The following ZNF470 variants were observed in gnomAD, a reference collection of about 807,000 sequenced individuals.
ZNF470 encodes the protein zinc finger protein 470.
In ZNF470, 13 loss-of-function variants were observed where a neutral mutation model predicts 13.9. The ratio of observed to expected loss-of-function variants is 0.94; its 90% CI spans 0.61 to 1.49. The LOEUF (loss-of-function observed/expected upper bound fraction) is 1.49, where lower values mean the gene tolerates loss of function less well. Ranked by LOEUF, ZNF470 falls within the 40% of genes most tolerant of loss-of-function variation. The pLI, the probability that ZNF470 is intolerant of heterozygous loss-of-function variation, is 0.00. For missense variants in ZNF470, 929 were observed against 857.3 expected (o/e 1.08, Z -1.04); for synonymous variants, 293 against 282.9 (o/e 1.04, Z -0.36).
At chr19:56,574,022 A>G in intron 3 of ZNF470, 2 of 897,556 alleles carry the variant, frequency 2.2e-6, no homozygotes, top group Non-Finnish European at 2.7e-6. Flanking sequence ...TCACAGTTCC[A>G]GAGCTCTTTA....
rs1166337566 is a variant in ZNF470 at position 56,582,016 on chromosome 19, TAAAG to T, written c.*3437_*3440del. 7.1e-6 allele frequency: 7 copies of T among 985,316 alleles called. No individual in the cohort carries two copies. The Admixed American group carries it at 4.3e-4, about 61-fold the overall frequency. 61.0% of individuals were successfully genotyped at this position (985,316 alleles called of 1,614,324 possible). On this transcript the variant is annotated 3_prime_UTR_variant, in exon 6 of 6. Coordinates refer to ENST00000330619, the MANE Select transcript of ZNF470 (RefSeq NM_001001668.4). ...CTCCTGTTGGTCAGTTGCTTGCAAGTAAAGAAACAATCATACAGAATTTGGTACG... is the reference window on the plus strand; with the variant it reads ...CTCCTGTTGGTCAGTTGCTTGCAAGTAAACAATCATACAGAATTTGGTACG...
chr19:56,567,951 A>C lies in ZNF470; in HGVS notation c.-246A>C. The C allele has an allele frequency of 3.0e-6, 3 of 985,740 alleles. No homozygotes were observed. Among genetic ancestry groups the C allele is most frequent in the Non-Finnish European group, 2.4e-6 (2 of 830,206 alleles). 61.1% of individuals were successfully genotyped at this position (985,740 alleles called of 1,614,324 possible). On this transcript the variant is annotated 5_prime_UTR_variant, in exon 1 of 6. Coordinates refer to ENST00000330619, the MANE Select transcript of ZNF470 (RefSeq NM_001001668.4). ...AGCCTCGGCTGAAGCATTTCCTGTCAGCCCTATCTGGAAGGGGCAGAGCCC... is the reference window on the plus strand; with the variant it reads ...AGCCTCGGCTGAAGCATTTCCTGTCCGCCCTATCTGGAAGGGGCAGAGCCC...
chr19:56,569,065 A>T (rs559620181), intron 2 of ZNF470, among the ~76,000 whole-genome samples, 182 bp downstream of exon 2: 1 of 152,360 alleles, frequency 6.6e-6, no homozygotes, highest in South Asian at 2.1e-4. Context: ...CAGTACTGTC[A>T]TAAGGATTAA....
At position 56,581,209 on chromosome 19, in the gene ZNF470, CA is replaced by C. The variant is rs1266393451; in HGVS notation, c.*2627del. 2 of 608,530 alleles carry C rather than the reference CA, an allele frequency of 3.3e-6. No homozygotes were observed. The highest frequency in any genetic ancestry group is 4.0e-5 in the African/African-American group (2 of 49,416). 37.7% of individuals were successfully genotyped at this position (608,530 alleles called of 1,614,324 possible). ...AACTTAGAAAAATGGACTAATGTCCCATTCACAAAAGATGCAATAAAAGCAG... is the reference window on the plus strand; with the variant it reads ...AACTTAGAAAAATGGACTAATGTCCCTTCACAAAAGATGCAATAAAAGCAG... On this transcript the variant is annotated 3_prime_UTR_variant, in exon 6 of 6. Coordinates refer to ENST00000330619, the MANE Select transcript of ZNF470 (RefSeq NM_001001668.4).
In ZNF470 at chr19:56,581,663, A is replaced by G. The variant is rs2044536915; in HGVS notation, c.*3080A>G. 2.1e-6 allele frequency: 2 copies of G among 967,442 alleles called. No homozygotes were observed. Among genetic ancestry groups the G allele is most frequent in the South Asian group, 4.8e-5 (1 of 20,902 alleles). The allele number at this position is 967,442 out of a possible 1,614,324, so 59.9% of individuals were successfully genotyped here. ...ATTGTAGTATAGGCCCATAATTGTG[A>G]TATCAAAAATAAAAATCAAAATATA... On this transcript the variant is annotated 3_prime_UTR_variant, in exon 6 of 6. Transcript: ENST00000330619.
chr19:56,576,931 A>C lies in ZNF470; in HGVS notation c.502A>C (p.Ile168Leu). ...QETITHIDTL[I>L]EKRDHSNKSG... ...GACCATCACTCATATAGATACTCTT[A>C]TTGAAAAAAGAGATCACTCTAACAA... The change falls in exon 6 of 6, where the codon ATT becomes CTT. Residue 168 changes from isoleucine to leucine, a missense_variant. Transcript: ENST00000330619. 6.3e-7 allele frequency: 1 copy of C among 1,579,690 alleles called. No homozygotes were observed. Among genetic ancestry groups the C allele is most frequent in the Non-Finnish European group, 8.6e-7 (1 of 1,168,450 alleles).
At chr19:56,572,252 C>G (rs2044456813) in intron 3 of ZNF470, among the ~76,000 whole-genome samples, 2 of 136,558 alleles carry the variant, frequency 1.5e-5, no homozygotes, top group South Asian at 4.7e-4. Flanking sequence ...ACCTGTGATC[C>G]CAGCACTTTG....
In ZNF470 at chr19:56,577,299, G is replaced by A; in HGVS notation, c.870G>A (p.Gly290=). The stretch of plus-strand genomic sequence containing the variant: ...AACCTTTTGAATGTACTGAATGTGG[G>A]AAAGCCTTCAGCCAGAATGCTCATC... ...GEKPFECTEC[G]KAFSQNAHLV... The change falls in exon 6 of 6, where the codon GGG becomes GGA. Residue 290 remains glycine (G), a synonymous_variant. Coordinates refer to ENST00000330619, the MANE Select transcript of ZNF470 (RefSeq NM_001001668.4). 1 of 1,613,706 alleles carries A rather than the reference G, an allele frequency of 6.2e-7. No individual in the cohort carries two copies. The highest frequency in any genetic ancestry group is 1.1e-5 in the South Asian group (1 of 91,030).
In ZNF470 at chr19:56,580,185, A is replaced by C; in HGVS notation, c.*1602A>C. The stretch of plus-strand genomic sequence containing the variant: ...TATTAGAGGATGAGGGAAGAACTAG[A>C]GGTAACTGTGAGACACAAAAGGCAT... On this transcript the variant is annotated 3_prime_UTR_variant, in exon 6 of 6. Transcript: ENST00000330619. The C allele has an allele frequency of 1.0e-6, 1 of 962,918 alleles. No homozygotes were observed. Among genetic ancestry groups the C allele is most frequent in the Non-Finnish European group, 1.2e-6 (1 of 823,586 alleles). The allele number at this position is 962,918 out of a possible 1,614,324, so 59.6% of individuals were successfully genotyped here.
intron 3 of ZNF470, chr19:56,574,043 G>T (rs890176682): frequency 1.4e-6 from 1 of 736,954 alleles, no homozygotes; most frequent in Non-Finnish European, 1.7e-6. Context: ...GCTTCTCCAT[G>T]TAGAGAAGTG....
chr19:56,580,720 T>TG lies in ZNF470; in HGVS notation c.*2139dup, dbSNP rs767677830. On this transcript the variant is annotated 3_prime_UTR_variant, in exon 6 of 6. Coordinates refer to ENST00000330619, the MANE Select transcript of ZNF470 (RefSeq NM_001001668.4). The stretch of plus-strand genomic sequence containing the variant: ...TCCAGAGTACATGACTGCTAGAAAA[T>TG]GGAGTTTGGGGCTCCCTCTTCACTT... The TG allele has an allele frequency of 1.1e-5, 4 of 373,832 alleles. No homozygotes were observed. The highest frequency in any genetic ancestry group is 2.2e-5 in the African/African-American group (1 of 44,922). 23.2% of individuals were successfully genotyped at this position (373,832 alleles called of 1,614,324 possible). A position where few individuals can be genotyped will look rare whatever the true frequency, so the allele number is the denominator to read the frequency against.
In ZNF470 at chr19:56,578,133, T is replaced by C; in HGVS notation, c.1704T>C (p.Ile568=). Residue 568 remains isoleucine, a synonymous_variant, in exon 6 of 6, where the codon ATT becomes ATC. Coordinates refer to ENST00000330619, the MANE Select transcript of ZNF470 (RefSeq NM_001001668.4). Reference sequence around the variant, plus strand: ...CTGGTGAGAAGCCTTACGAATGTATTGAATGTGGGAAGGCCTTTAGTGATG... The same window carrying C: ...CTGGTGAGAAGCCTTACGAATGTATCGAATGTGGGAAGGCCTTTAGTGATG... ...VHTGEKPYEC[I]ECGKAFSDGS... is the part of the protein sequence containing the mutation. 2 of 1,614,016 alleles carry C rather than the reference T, an allele frequency of 1.2e-6. No homozygotes were observed. Among genetic ancestry groups the C allele is most frequent in the Non-Finnish European group, 1.7e-6 (2 of 1,179,974 alleles).
At chr19:56,569,959 A>G (rs1251746188) in intron 2 of ZNF470, among the ~76,000 whole-genome samples, 4 of 151,230 alleles carry the variant, frequency 2.6e-5, no homozygotes, top group Admixed American at 2.0e-4. Flanking sequence ...ACTGTACTCC[A>G]ACCTGGGCAA....
chr19:56,575,123 T>C (rs750293597), intron 5 of ZNF470, among the ~76,000 whole-genome samples: 2 of 152,156 alleles, frequency 1.3e-5, no homozygotes, highest in Non-Finnish European at 2.9e-5. Context: ...AGCTATTTTC[T>C]TCCCTCTGCC....
In ZNF470 at chr19:56,576,908, C is replaced by A. The variant is rs1467937057; in HGVS notation, c.479C>A (p.Thr160Asn). 6.3e-7 allele frequency: 1 copy of A among 1,575,176 alleles called. No homozygotes were observed. Among genetic ancestry groups the A allele is most frequent in the Non-Finnish European group, 8.6e-7 (1 of 1,167,188 alleles). The part of the protein sequence containing the change: ...VNQKTHFRQE[T>N]ITHIDTLIEK... ...CAGAAGACACATTTTAGGCAAGAGA[C>A]CATCACTCATATAGATACTCTTATT... Residue 160 changes from threonine (T) to asparagine (N), a missense_variant, in exon 6 of 6, where the codon ACC becomes AAC. Thr to Asn is a moderately conservative substitution (Grantham distance 65). Coordinates refer to ENST00000330619, the MANE Select transcript of ZNF470 (RefSeq NM_001001668.4).
rs938826476 is a variant in ZNF470, at chr19:56,579,019, G to A, written c.*436G>A. 1.7e-5 allele frequency: 17 copies of A among 987,844 alleles called. No individual in the cohort carries two copies. The African/African-American group carries it at 3.0e-4, about 17-fold the overall frequency. 61.2% of individuals were successfully genotyped at this position (987,844 alleles called of 1,614,324 possible). A position where few individuals can be genotyped will look rare whatever the true frequency, so the allele number is the denominator to read the frequency against. On this transcript the variant is annotated 3_prime_UTR_variant, in exon 6 of 6. Transcript: ENST00000330619. ...AAGATGAACAAACTCAGAATTGAAA[G>A]ATTTATGGTACACAAGGTAACATGG...
chr19:56,569,504 G>A (rs2044435116), intron 2 of ZNF470, among the ~76,000 whole-genome samples: 1 of 152,198 alleles, frequency 6.6e-6, no homozygotes, highest in Admixed American at 6.5e-5. Flanking sequence ...GATAGAGTCA[G>A]CCAGACCTAG....
At position 56,567,733 on chromosome 19, in the gene ZNF470, C is replaced by G; in HGVS notation, c.-464C>G. 1 of 987,946 alleles carries G rather than the reference C, an allele frequency of 1.0e-6. No homozygotes were observed. The highest frequency in any genetic ancestry group is 1.7e-5 in the African/African-American group (1 of 57,382). The allele number at this position is 987,946 out of a possible 1,614,324, so 61.2% of individuals were successfully genotyped here. On this transcript the variant is annotated 5_prime_UTR_variant, in exon 1 of 6. Coordinates refer to ENST00000330619, the MANE Select transcript of ZNF470 (RefSeq NM_001001668.4). Reference sequence around the variant, plus strand: ...GGTGTGTGACTGTCCGGTGCGTGGCCGCGAATCTGCGCCTGCGTGCATGGC... The same window carrying G: ...GGTGTGTGACTGTCCGGTGCGTGGCGGCGAATCTGCGCCTGCGTGCATGGC...
chr19:56,582,022 A>T lies in ZNF470; in HGVS notation c.*3439A>T, dbSNP rs1465426481. On this transcript the variant is annotated 3_prime_UTR_variant, in exon 6 of 6. Transcript: ENST00000330619. ...TTGGTCAGTTGCTTGCAAGTAAAGA[A>T]ACAATCATACAGAATTTGGTACGAA... 7.1e-6 allele frequency: 7 copies of T among 985,434 alleles called. No homozygotes were observed. Among genetic ancestry groups the T allele is most frequent in the Non-Finnish European group, 8.4e-6 (7 of 829,928 alleles). 61.0% of individuals were successfully genotyped at this position (985,434 alleles called of 1,614,324 possible). A position where few individuals can be genotyped will look rare whatever the true frequency, so the allele number is the denominator to read the frequency against.
Sources: allele counts gnomAD v4.1 joint callset (sites outside exome capture counted in the v4.1 genomes callset), GRCh38; gene constraint gnomAD v4.1.1; transcripts MANE v1.5; gene names NCBI Gene and HGNC (gene_info 2026-07-23, HGNC 2026-07-21).